MAGI2: variants seen among roughly 807,000 people sequenced by gnomAD.
The protein encoded by MAGI2 is membrane-associated guanylate kinase, WW and PDZ domain-containing protein 2.
Under a neutral mutation model 133.3 loss-of-function variants are expected in MAGI2, and 35 were observed. The observed-to-expected ratio is 0.26, with a 90% CI of 0.20 to 0.35. The LOEUF (loss-of-function observed/expected upper bound fraction) is 0.35. Among genes scored for constraint, MAGI2 ranks in the 10% least tolerant of loss-of-function variants. The pLI is 1.00. For synonymous variants in MAGI2, 729 were observed against 710.6 expected (o/e 1.03, Z -0.41); for missense variants, 1,636 against 1,863.4 (o/e 0.88, Z 2.25).
chr7:78,513,796 G>GA lies in MAGI2; in HGVS notation c.754+7633dup, dbSNP rs544852059. On this transcript the variant is annotated intron_variant, in intron 4 of 21. Transcript: ENST00000354212. The stretch of plus-strand genomic sequence containing the variant: ...TGCATGCAATGCTGAATCTGTTTAA[G>GA]AAATGAAGAGGGCCGGGTGCGGTGG... 1.3e-3 allele frequency among the ~76,000 whole-genome samples: 204 copies of GA among 152,178 alleles called. 1 individual carries two copies. Among genetic ancestry groups the GA allele is most frequent in the African/African-American group, 4.6e-3 (193 of 41,506 alleles).
intron 20 of MAGI2, among the ~76,000 whole-genome samples, chr7:78,081,855 C>T (rs1293940090): frequency 1.3e-5 from 2 of 152,070 alleles, no homozygotes; most frequent in African/African-American, 4.8e-5. Context: ...GCGGTGTTGT[C>T]ACATGGTCTA....
chr7:79,426,248 A>G (rs932623282), intron 1 of MAGI2, among the ~76,000 whole-genome samples: 3 of 152,166 alleles, frequency 2.0e-5, no homozygotes, highest in Non-Finnish European at 4.4e-5. Flanking sequence ...CCAAAGATGA[A>G]TGCATAGATC....
intron 1 of MAGI2, among the ~76,000 whole-genome samples, chr7:79,181,776 T>C (rs544129915): frequency 1.5e-4 from 23 of 151,996 alleles, no homozygotes; most frequent in Non-Finnish European, 3.1e-4. Context: ...ACTGAATGCC[T>C]TTAACAGCAC....
At chr7:79,217,579 A>C (rs1489677269) in intron 1 of MAGI2, among the ~76,000 whole-genome samples, 1 of 152,044 alleles carries the variant, frequency 6.6e-6, no homozygotes, top group Non-Finnish European at 1.5e-5. Context: ...TTTAAAAAGG[A>C]AATGAGCAGG....
At chr7:79,050,148 G>A (rs1812543111) in intron 1 of MAGI2, among the ~76,000 whole-genome samples, 1 of 152,120 alleles carries the variant, frequency 6.6e-6, no homozygotes, top group Admixed American at 6.6e-5. Context: ...TAAAGTTTCA[G>A]CTAGAAGTCT....
At chr7:78,518,572 C>T (rs916785420) in intron 4 of MAGI2, 3 of 152,104 alleles carry the variant, frequency 2.0e-5, no homozygotes, top group Non-Finnish European at 4.4e-5. Context: ...AATATTCCTT[C>T]GTAATGGAAT....
chr7:78,420,597 A>G (rs1798708393), intron 6 of MAGI2, among the ~76,000 whole-genome samples: 1 of 152,082 alleles, frequency 6.6e-6, no homozygotes, highest in East Asian at 1.9e-4. Flanking sequence ...TTGATGGAAA[A>G]TCCTATTTCA....
chr7:78,283,482 A>G (rs1795836847), intron 9 of MAGI2, among the ~76,000 whole-genome samples: 1 of 152,132 alleles, frequency 6.6e-6, no homozygotes, highest in African/African-American at 2.4e-5. Context: ...TAAATATATG[A>G]ATAAGTAAAT....
chr7:78,298,974 C>A (rs1364710449), intron 9 of MAGI2, among the ~76,000 whole-genome samples: 1 of 151,904 alleles, frequency 6.6e-6, no homozygotes, highest in Non-Finnish European at 1.5e-5. Context: ...CGCCACCATG[C>A]CCAGCTAATT....
intron 2 of MAGI2, among the ~76,000 whole-genome samples, chr7:78,937,889 G>A (rs1284445339): frequency 6.6e-6 from 1 of 152,122 alleles, no homozygotes; most frequent in African/African-American, 2.4e-5. Flanking sequence ...AATAGAAATT[G>A]TATTTGAGAA....
intron 6 of MAGI2, among the ~76,000 whole-genome samples, chr7:78,459,413 G>T (rs1789722478): frequency 6.6e-6 from 1 of 152,116 alleles, no homozygotes; most frequent in South Asian, 2.1e-4. Context: ...ATCTATGAGG[G>T]CTCTAAAAAT....
At chr7:78,630,897 A>G (rs569510493) in intron 2 of MAGI2, among the ~76,000 whole-genome samples, 2 of 152,214 alleles carry the variant, frequency 1.3e-5, no homozygotes, top group South Asian at 4.2e-4. Flanking sequence ...GACATGCTCC[A>G]GTCTGGACTC....
intron 4 of MAGI2, among the ~76,000 whole-genome samples, chr7:78,513,550 T>A (rs1180844151): frequency 6.6e-6 from 1 of 152,026 alleles, no homozygotes; most frequent in Non-Finnish European, 1.5e-5. Flanking sequence ...AATATATGAC[T>A]GTGATTAGAA....
chr7:78,337,675 T>TCA (rs1317818781), intron 9 of MAGI2, among the ~76,000 whole-genome samples: 1 of 152,242 alleles, frequency 6.6e-6, no homozygotes, highest in African/African-American at 2.4e-5. Context: ...TTTTTGAGGT[T>TCA]CATTTGATAT....
At chr7:78,066,650 C>T (rs1813860471) in intron 21 of MAGI2, among the ~76,000 whole-genome samples, 1 of 152,114 alleles carries the variant, frequency 6.6e-6, no homozygotes, top group African/African-American at 2.4e-5. Context: ...TCATGGACTA[C>T]AGTTCTTTAC....
chr7:78,281,946 TCATTTCTTA>T (rs1461127729), intron 9 of MAGI2, among the ~76,000 whole-genome samples: 1 of 152,008 alleles, frequency 6.6e-6, no homozygotes, highest in African/African-American at 2.4e-5. Context: ...CCATTCACTT[TCATTTCTTA>T]CAGAATTTTC....
chr7:79,018,182 C>T (rs1808927935), intron 1 of MAGI2, among the ~76,000 whole-genome samples: 1 of 151,914 alleles, frequency 6.6e-6, no homozygotes, highest in African/African-American at 2.4e-5. Flanking sequence ...AGGGGAACCC[C>T]ATCAGACTAA....
intron 1 of MAGI2, among the ~76,000 whole-genome samples, chr7:79,254,761 TGTA>T (rs1199854743): frequency 6.6e-6 from 1 of 152,204 alleles, no homozygotes; most frequent in African/African-American, 2.4e-5. Context: ...GTGTTTAATA[TGTA>T]GTAGAACTGA....
intron 3 of MAGI2, among the ~76,000 whole-genome samples, chr7:78,584,763 G>A (rs1293145857): frequency 4.6e-5 from 7 of 152,114 alleles, no homozygotes; most frequent in Admixed American, 2.6e-4. Context: ...CCTGGGCTTC[G>A]GATATCAGCC....
Sources: gnomAD v4.1 joint callset for allele counts (sites outside exome capture counted in the v4.1 genomes callset) on GRCh38, gnomAD v4.1.1 for gene constraint, MANE v1.5 for transcripts, NCBI Gene and HGNC (gene_info 2026-07-23, HGNC 2026-07-21) for gene names.